The following GRIN2D variants were observed in gnomAD, a reference collection of about 807,000 sequenced individuals.
GRIN2D encodes the protein glutamate receptor ionotropic, NMDA 2D.
Under a neutral mutation model 103.2 loss-of-function variants are expected in GRIN2D, and 37 were observed. The ratio of observed to expected loss-of-function variants is 0.36; its 90% CI spans 0.28 to 0.47. The LOEUF (loss-of-function observed/expected upper bound fraction) is 0.47, where lower values mean the gene tolerates loss of function less well. GRIN2D is among the 20% of genes least tolerant of loss of function. GRIN2D has a pLI of 1.00. For synonymous variants in GRIN2D, 845 were observed against 885.6 expected, an observed-to-expected ratio of 0.95 and a Z score of 0.81; for missense variants, 1,557 against 1,910.6, an observed-to-expected ratio of 0.81 and a Z score of 3.45.
chr19:48,407,337 C>T (rs149770776), intron 4 of GRIN2D, among the ~76,000 whole-genome samples: 6 of 152,178 alleles, frequency 3.9e-5, no homozygotes, highest in African/African-American at 1.4e-4. Context: ...TCCTCTCTCT[C>T]TCTCTTTCTC....
chr19:48,443,194 C>A lies in GRIN2D; in HGVS notation c.3268C>A (p.Pro1090Thr). 1 of 1,172,952 alleles carries A rather than the reference C, an allele frequency of 8.5e-7. No homozygotes were observed. 72.7% of individuals were successfully genotyped at this position (1,172,952 alleles called of 1,614,324 possible). A position where few individuals can be genotyped will look rare whatever the true frequency, so the allele number is the denominator to read the frequency against. Reference protein sequence around the residue: ...GGTGGAGGGAPAAPPPCRAAP... With the variant: ...GGTGGAGGGATAAPPPCRAAP... ...CACGGGGGGCGCAGGCGGAGGAGCC[C>A]CGGCCGCTCCGCCCCCGTGCCGCGC... Residue 1090 changes from proline to threonine, a missense_variant, in exon 14 of 14, where the codon CCG becomes ACG. By Grantham distance (38) the Pro-to-Thr change is conservative (BLOSUM62 -1). Around this residue, in one of 7 missense-constraint regions of GRIN2D, gnomAD observed 632 missense variants for 572.8 expected, o/e 1.10. Transcript: ENST00000263269. The surrounding 1 kb of genome is among the most constrained non-coding windows in gnomAD (Gnocchi z 8.9).
At chr19:48,399,378 G>C (rs1232697867) in intron 3 of GRIN2D, among the ~76,000 whole-genome samples, 1 of 152,176 alleles carries the variant, frequency 6.6e-6, no homozygotes, top group Middle Eastern at 3.2e-3. Flanking sequence ...GACCAGCCTG[G>C]CCAACATGGT....
Position 48,414,303 on chromosome 19 carries a change from A to AG in GRIN2D, c.1201-68dup. ...CCCACACACCTAGGTCTGAGGGAAG[A>AG]GGATCATGGAGGCCAGGATACACCG... On this transcript the variant is annotated intron_variant, in intron 5 of 13. Coordinates refer to ENST00000263269, the MANE Select transcript of GRIN2D (RefSeq NM_000836.4). This position sits in a 1 kb window ranked among gnomAD's most constrained non-coding sequence, Gnocchi z 4.6. 1 of 1,288,908 alleles carries AG rather than the reference A, an allele frequency of 7.8e-7. No homozygotes were observed. The highest frequency in any genetic ancestry group is 1.1e-6 in the Non-Finnish European group (1 of 918,162). The allele number at this position is 1,288,908 out of a possible 1,614,324, so 79.8% of individuals were successfully genotyped here. A position where few individuals can be genotyped will look rare whatever the true frequency, so the allele number is the denominator to read the frequency against.
chr19:48,402,112 G>GA (rs1371252172), intron 3 of GRIN2D, among the ~76,000 whole-genome samples: 7 of 128,586 alleles, frequency 5.4e-5, no homozygotes, highest in Non-Finnish European at 1.2e-4. Flanking sequence ...GAGAGAAAGA[G>GA]AAGGAAAGAA....
chr19:48,424,577 A>T (rs1971066234), intron 11 of GRIN2D, among the ~76,000 whole-genome samples: 1 of 152,058 alleles, frequency 6.6e-6, no homozygotes. Flanking sequence ...GCTGGAAATT[A>T]CTTTTAATAA....
chr19:48,442,016 C>G lies in GRIN2D; in HGVS notation c.2440+60C>G. 6.5e-7 allele frequency: 1 copy of G among 1,539,118 alleles called. No individual in the cohort carries two copies. The highest frequency in any genetic ancestry group is 8.8e-7 in the Non-Finnish European group (1 of 1,132,490). ...GGGGGAGGGCGAGGCCCCTGGGTTCCGGGGAAGAAAGGGACAAAGACCCGG... is the reference window on the plus strand; with the variant it reads ...GGGGGAGGGCGAGGCCCCTGGGTTCGGGGGAAGAAAGGGACAAAGACCCGG... On this transcript the variant is annotated intron_variant, in intron 12 of 13. Transcript: ENST00000263269. The surrounding 1 kb of genome is among the most constrained non-coding windows in gnomAD (Gnocchi z 7.2).
At chr19:48,439,290 T>C (rs1971265430) in intron 11 of GRIN2D, among the ~76,000 whole-genome samples, 1 of 151,734 alleles carries the variant, frequency 6.6e-6, no homozygotes, top group Non-Finnish European at 1.5e-5. Flanking sequence ...ACCCCATACA[T>C]CCTTACCTGT....
At position 48,441,854 on chromosome 19, in the gene GRIN2D, T is replaced by G. The variant is rs1444117253; in HGVS notation, c.2338T>G (p.Ser780Ala). Residue 780 changes from serine to alanine, a missense_variant, in exon 12 of 14, where the codon TCC (serine) becomes GCC (alanine). Coordinates refer to ENST00000263269, the MANE Select transcript of GRIN2D (RefSeq NM_000836.4). The stretch of plus-strand genomic sequence containing the variant: ...GGGCTGCAAGCTTGTCACCATCGGC[T>G]CCGGCAAGGTCTTCGCCACGACAGG... Reference protein sequence around the residue: ...DEGCKLVTIGSGKVFATTGYG... With the variant: ...DEGCKLVTIGAGKVFATTGYG... 2 of 1,613,836 alleles carry G rather than the reference T, an allele frequency of 1.2e-6. No homozygotes were observed. The highest frequency in any genetic ancestry group is 3.3e-5 in the Admixed American group (2 of 60,008).
chr19:48,419,846 G>A, intron 10 of GRIN2D, 32 bp downstream of exon 10: 5 of 1,486,278 alleles, frequency 3.4e-6, no homozygotes, highest in Non-Finnish European at 4.7e-6. Flanking sequence ...GGCTGGAGCT[G>A]GGGCTGGGGC....
At chr19:48,435,376 G>A (rs1174988407) in intron 11 of GRIN2D, among the ~76,000 whole-genome samples, 3 of 133,754 alleles carry the variant, frequency 2.2e-5, no homozygotes, top group East Asian at 2.4e-4. Context: ...TGCAACGTCC[G>A]CCTCCCAGGT....
rs201896063 is a variant in GRIN2D, at chr19:48,442,394, A to G, written c.2673+12A>G. 1.4e-5 allele frequency: 22 copies of G among 1,598,460 alleles called. No individual in the cohort carries two copies. The East Asian group carries it at 2.5e-4, about 18-fold the overall frequency. ...TGGCCTTCTCCAGGGTATGGGGCAG[A>G]GAGGGAGGCAGAGAGGGGGAGATGG... On this transcript the variant is annotated intron_variant, in intron 13 of 13. Transcript: ENST00000263269. This position sits in a 1 kb window ranked among gnomAD's most constrained non-coding sequence, Gnocchi z 7.2.
chr19:48,396,800 AC>A (rs1970649080), intron 2 of GRIN2D, among the ~76,000 whole-genome samples: 1 of 151,886 alleles, frequency 6.6e-6, no homozygotes, highest in South Asian at 2.1e-4. Flanking sequence ...TGTGGGGTGG[AC>A]GAGGCCTGCG....
intron 4 of GRIN2D, among the ~76,000 whole-genome samples, chr19:48,410,739 G>A (rs1970847757): frequency 6.6e-6 from 1 of 152,002 alleles, no homozygotes; most frequent in African/African-American, 2.4e-5. Context: ...TTGGAGGCTG[G>A]AGGCCAGGCA....
chr19:48,442,499 A>G lies in GRIN2D; in HGVS notation c.2674-101A>G. 1 of 1,505,552 alleles carries G rather than the reference A, an allele frequency of 6.6e-7. No homozygotes were observed. The highest frequency in any genetic ancestry group is 8.9e-7 in the Non-Finnish European group (1 of 1,129,186). The allele number at this position is 1,505,552 out of a possible 1,614,324, so 93.3% of individuals were successfully genotyped here. Reference sequence around the variant, plus strand: ...TGTGGATAGTGGGGAAGAGAGCGGGAAACACAGGCGGGTAAATGGAGAGGA... The same window carrying G: ...TGTGGATAGTGGGGAAGAGAGCGGGGAACACAGGCGGGTAAATGGAGAGGA... On this transcript the variant is annotated intron_variant, in intron 13 of 13. Coordinates refer to ENST00000263269, the MANE Select transcript of GRIN2D (RefSeq NM_000836.4). The surrounding 1 kb of genome is among the most constrained non-coding windows in gnomAD (Gnocchi z 7.2).
chr19:48,443,482 C>A lies in GRIN2D; in HGVS notation c.3556C>A (p.Leu1186Met). ...CTGGCACTGTCGGCACTGCGCCAGC[C>A]TGGAGCTGCTGCCGCCGCCGCGCCA... is the stretch of plus-strand genomic sequence containing the variant. The part of the protein sequence containing the change: ...AAWHCRHCAS[L>M]ELLPPPRHLS... The change falls in exon 14 of 14, where the codon CTG becomes ATG. Residue 1186 changes from leucine to methionine, a missense_variant. Leu to Met is a conservative substitution (Grantham distance 15, BLOSUM62 2). Transcript: ENST00000263269. The surrounding 1 kb of genome is among the most constrained non-coding windows in gnomAD (Gnocchi z 8.9). 7.3e-7 allele frequency: 1 copy of A among 1,365,876 alleles called. No individual in the cohort carries two copies. The highest frequency in any genetic ancestry group is 3.4e-5 in the Admixed American group (1 of 29,850). 84.6% of individuals were successfully genotyped at this position (1,365,876 alleles called of 1,614,324 possible).
chr19:48,422,542 C>A (rs1415222000), intron 11 of GRIN2D, among the ~76,000 whole-genome samples: 1 of 150,726 alleles, frequency 6.6e-6, no homozygotes, highest in South Asian at 2.1e-4. Context: ...ACCTGGGAGT[C>A]GGAGGTTGCA....
chr19:48,428,655 G>A (rs1348075540), intron 11 of GRIN2D, among the ~76,000 whole-genome samples: 1 of 152,098 alleles, frequency 6.6e-6, no homozygotes, highest in Non-Finnish European at 1.5e-5. Flanking sequence ...GAGCCACTGC[G>A]CCCGGCCCAA....
intron 11 of GRIN2D, among the ~76,000 whole-genome samples, chr19:48,432,970 C>T (rs1233008698): frequency 2.7e-5 from 4 of 149,226 alleles, no homozygotes; most frequent in Non-Finnish European, 6.0e-5. Context: ...TTTGTATTTT[C>T]AGTAGAGGTG....
In GRIN2D at chr19:48,419,829, AGGGCTGGGCTGGAGCTG is replaced by A. The variant is rs1970996686; in HGVS notation, c.2091+24_2091+40del. The A allele has an allele frequency of 6.8e-7, 1 of 1,470,338 alleles. No individual in the cohort carries two copies. The highest frequency in any genetic ancestry group is 1.5e-5 in the African/African-American group (1 of 68,792). The allele number at this position is 1,470,338 out of a possible 1,614,324, so 91.1% of individuals were successfully genotyped here. A position where few individuals can be genotyped will look rare whatever the true frequency, so the allele number is the denominator to read the frequency against. Reference sequence around the variant, plus strand: ...GTGACCGCAAGGTGTGTGTGGGCCCAGGGCTGGGCTGGAGCTGGGGCTGGGGCTGGAGGTCACAGAGC... The same window carrying A: ...GTGACCGCAAGGTGTGTGTGGGCCCAGGGCTGGGGCTGGAGGTCACAGAGC... On this transcript the variant is annotated intron_variant, in intron 10 of 13. Transcript: ENST00000263269.
Sources: gnomAD v4.1 joint callset for allele counts (sites outside exome capture counted in the v4.1 genomes callset) on GRCh38, gnomAD v4.1.1 for gene constraint, gnomAD v4.1.1 regional missense constraint, Gnocchi (gnomAD v3.1) non-coding constraint, MANE v1.5 for transcripts, NCBI Gene and HGNC (gene_info 2026-07-23, HGNC 2026-07-21) for gene names.